KLF12: variants seen among roughly 807,000 people sequenced by gnomAD.
KLF12 encodes the protein KLF transcription factor 12, also known as Krueppel-like factor 12.
A neutral mutation model predicts 37.8 loss-of-function variants in KLF12; 9 were observed. The observed-to-expected ratio is 0.24, with a 90% CI of 0.14 to 0.42. The LOEUF is 0.42. Ranked by LOEUF, KLF12 falls within the 10% of genes least tolerant of loss-of-function variation. The probability of loss-of-function intolerance (pLI) is 1.00; values close to 1 mark genes in which losing one functional copy is unlikely to be tolerated. For missense variants in KLF12, 411 were observed against 516.0 expected, an observed-to-expected ratio of 0.80 and a Z score of 1.97; for synonymous variants, 208 against 202.1, an observed-to-expected ratio of 1.03 and a Z score of -0.25.
At chr13:74,121,574 C>T (rs147443476) in intron 1 of KLF12, among the ~76,000 whole-genome samples, 61 of 151,838 alleles carry the variant, frequency 4.0e-4, no homozygotes, top group Middle Eastern at 3.2e-3. Context: ...AAATAAAACA[C>T]GAGCAAATGA....
intron 5 of KLF12, among the ~76,000 whole-genome samples, chr13:73,789,349 C>T (rs1057321910): frequency 6.6e-6 from 1 of 152,190 alleles, no homozygotes; most frequent in Non-Finnish European, 1.5e-5. Flanking sequence ...TGTAAATGAG[C>T]ACCCTAAGGA....
intron 5 of KLF12, among the ~76,000 whole-genome samples, chr13:73,810,982 C>CTTTCGTTTT (rs1555308731): frequency 2.2e-5 from 1 of 44,808 alleles, no homozygotes; most frequent in African/African-American, 8.4e-5. Context: ...ATTTTTCTTT[C>CTTTCGTTTT]TTTTTTTTTT....
intron 6 of KLF12, among the ~76,000 whole-genome samples, chr13:73,719,988 A>C (rs536258680): frequency 6.6e-6 from 1 of 152,262 alleles, no homozygotes; most frequent in Non-Finnish European, 1.5e-5. Context: ...TAAATGTCTC[A>C]ATTATTTCCT....
At chr13:73,989,533 G>A (rs974405414) in intron 2 of KLF12, among the ~76,000 whole-genome samples, 18 of 152,158 alleles carry the variant, frequency 1.2e-4, no homozygotes, top group Admixed American at 7.9e-4. Context: ...GCAGAAGGAA[G>A]GAAGACAGGA....
At chr13:74,225,981 G>A in the KLF12 span, among the ~76,000 whole-genome samples, 2 of 152,218 alleles carry the variant, frequency 1.3e-5, no homozygotes, top group South Asian at 4.1e-4. Context: ...AATTGCTGCT[G>A]GAAAGGTGTA....
At chr13:73,951,506 T>G (rs1890646800) in intron 2 of KLF12, among the ~76,000 whole-genome samples, 1 of 152,188 alleles carries the variant, frequency 6.6e-6, no homozygotes, top group Admixed American at 6.5e-5. Context: ...CAGGGTACTT[T>G]GGCACTGCTA....
intron 1 of KLF12, among the ~76,000 whole-genome samples, chr13:74,052,546 T>C (rs997546400): frequency 6.6e-6 from 1 of 152,100 alleles, no homozygotes; most frequent in African/African-American, 2.4e-5. Context: ...AGGCACATTA[T>C]TTACCCAGCC....
At chr13:73,900,153 G>A (rs538459600) in intron 3 of KLF12, among the ~76,000 whole-genome samples, 1 of 152,272 alleles carries the variant, frequency 6.6e-6, no homozygotes, top group South Asian at 2.1e-4. Context: ...TAATACTTTA[G>A]CAAGTTCAGG....
the KLF12 span, among the ~76,000 whole-genome samples, chr13:74,203,488 C>T: frequency 6.6e-6 from 1 of 152,060 alleles, no homozygotes; most frequent in East Asian, 1.9e-4. Flanking sequence ...TTATGGTCCA[C>T]TATGATTCTT....
At chr13:73,917,370 C>A (rs1888898339) in intron 3 of KLF12, among the ~76,000 whole-genome samples, 1 of 152,134 alleles carries the variant, frequency 6.6e-6, no homozygotes, top group African/African-American at 2.4e-5. Flanking sequence ...GATCAGTGGT[C>A]ACCACCTTGG....
intron 3 of KLF12, among the ~76,000 whole-genome samples, chr13:73,941,936 C>T (rs1395250412): frequency 3.3e-5 from 5 of 152,054 alleles, no homozygotes; most frequent in Non-Finnish European, 2.9e-5. Flanking sequence ...GGAGGAAAAT[C>T]GATTTTCATG....
chr13:73,985,799 A>G (rs888683043), intron 2 of KLF12, among the ~76,000 whole-genome samples: 13 of 152,180 alleles, frequency 8.5e-5, no homozygotes, highest in African/African-American at 3.1e-4. Context: ...AAAAAGCTAT[A>G]CAGAACTTTT....
At chr13:74,023,876 T>C (rs1030997604) in intron 1 of KLF12, among the ~76,000 whole-genome samples, 3 of 152,106 alleles carry the variant, frequency 2.0e-5, no homozygotes, top group African/African-American at 7.2e-5. Context: ...ATTAAGCAAG[T>C]TTCTGGTGAT....
At chr13:73,934,549 C>A (rs1257378073) in intron 3 of KLF12, among the ~76,000 whole-genome samples, 1 of 152,094 alleles carries the variant, frequency 6.6e-6, no homozygotes, top group Non-Finnish European at 1.5e-5. Flanking sequence ...TTTCTGCCTG[C>A]AATTTCTTTC....
At chr13:74,175,992 G>A in the KLF12 span, among the ~76,000 whole-genome samples, 336 of 152,190 alleles carry the variant, frequency 2.2e-3, no homozygotes, top group Middle Eastern at 0.01. Flanking sequence ...CAATTCTCTT[G>A]CAATATTTTA....
intron 1 of KLF12, among the ~76,000 whole-genome samples, chr13:74,112,929 G>A (rs1029229554): frequency 6.6e-6 from 1 of 152,132 alleles, no homozygotes. Flanking sequence ...GAAGAAAATT[G>A]AAAGTGTTAC....
chr13:73,846,481 A>G, intron 3 of KLF12, 108 bp from the exon 4 acceptor site: 1 of 997,684 alleles, frequency 1.0e-6, no homozygotes, highest in East Asian at 2.6e-5. Context: ...TTGCTATGGG[A>G]CATTTATTCG....
intron 3 of KLF12, among the ~76,000 whole-genome samples, chr13:73,865,709 T>C (rs1594187924): frequency 6.6e-6 from 1 of 152,132 alleles, no homozygotes; most frequent in Admixed American, 6.5e-5. Context: ...TTTAGAGTTA[T>C]CCAACATGTA....
In KLF12 at chr13:74,058,104, G is replaced by T. The variant is rs182557582; in HGVS notation, c.-31-63051C>A. Among the ~76,000 whole-genome samples the T allele has an allele frequency of 4.2e-3, 633 of 150,820 alleles. 4 individuals are homozygous for T. The highest frequency in any genetic ancestry group is 0.015 in the African/African-American group (597 of 41,090). ...ACCGCAGCCTCCCGGGTAGCTGGGA[G>T]TACAGGCATGCACCATCACGCCCAG... is the stretch of plus-strand genomic sequence containing the variant. On this transcript the variant is annotated intron_variant, in intron 1 of 7. Coordinates refer to ENST00000377669, the MANE Select transcript of KLF12 (RefSeq NM_007249.5).
Sources: allele counts gnomAD v4.1 joint callset (sites outside exome capture counted in the v4.1 genomes callset), GRCh38; gene constraint gnomAD v4.1.1; transcripts MANE v1.5; gene names NCBI Gene and HGNC (gene_info 2026-07-23, HGNC 2026-07-21).